OSBPL5: variants seen among roughly 807,000 people sequenced by gnomAD.
The protein encoded by OSBPL5 is oxysterol-binding protein-related protein 5.
In OSBPL5, 71 loss-of-function variants were observed where a neutral mutation model predicts 111.2. The ratio of observed to expected loss-of-function variants is 0.64; its 90% CI spans 0.53 to 0.78. The LOEUF (loss-of-function observed/expected upper bound fraction) is 0.78. Ranked by LOEUF, OSBPL5 falls within the 30% of genes least tolerant of loss-of-function variation. OSBPL5 has a pLI of 0.00. For synonymous variants in OSBPL5, 549 were observed against 513.9 expected (o/e 1.07, Z -0.93); for missense variants, 1,210 against 1,189.3 (o/e 1.02, Z -0.26).
intron 11 of OSBPL5, among the ~76,000 whole-genome samples, chr11:3,102,679 C>G (rs1168154470): frequency 6.6e-6 from 1 of 150,878 alleles, no homozygotes; most frequent in African/African-American, 2.5e-5. Flanking sequence ...ACCTGAGCCT[C>G]AGTTTCCCCA....
chr11:3,152,640 C>A (rs1300761238), intron 1 of OSBPL5, among the ~76,000 whole-genome samples: 3 of 152,190 alleles, frequency 2.0e-5, no homozygotes, highest in Non-Finnish European at 4.4e-5. Context: ...GCACGCAGCG[C>A]CCCTAAGCCT....
chr11:3,114,722 C>T (rs923976273), intron 7 of OSBPL5, among the ~76,000 whole-genome samples: 3 of 151,330 alleles, frequency 2.0e-5, no homozygotes, highest in Non-Finnish European at 4.4e-5. Context: ...CCCCAGCCTC[C>T]TGAGTAGCTG....
chr11:3,162,076 C>G lies in OSBPL5; in HGVS notation c.-22+3140G>C, dbSNP rs559349939. ...GAAAGGGGTCAGGACTTACTGAGAC[C>G]CATGGCAAATCTCAAAGGGCTCTAA... On this transcript the variant is annotated intron_variant, in intron 1 of 21. Transcript: ENST00000263650. The surrounding 1 kb of genome is among the most constrained non-coding windows in gnomAD (Gnocchi z 8.1). 2.6e-5 allele frequency among the ~76,000 whole-genome samples: 4 copies of G among 152,062 alleles called. No homozygotes were observed. Among genetic ancestry groups the G allele is most frequent in the Admixed American group, 2.6e-4 (4 of 15,280 alleles).
At chr11:3,088,500 T>G (rs1590624584) in intron 21 of OSBPL5, among the ~76,000 whole-genome samples, 157 bp from the exon 22 acceptor site, 1 of 150,896 alleles carries the variant, frequency 6.6e-6, no homozygotes, top group Non-Finnish European at 1.5e-5. Context: ...CGGGTGGGGG[T>G]GGAAAGCTTG....
Position 3,129,109 on chromosome 11 carries a change from A to C in OSBPL5, c.40T>G (p.Cys14Gly). The C allele has an allele frequency of 6.5e-7, 1 of 1,530,570 alleles. No individual in the cohort carries two copies. The highest frequency in any genetic ancestry group is 1.2e-5 in the South Asian group (1 of 81,414). The allele number at this position is 1,530,570 out of a possible 1,614,324, so 94.8% of individuals were successfully genotyped here. ...TTCTGAGGGGTGGAGGAAGGTGGAC[A>C]CAGGGAGAAGCGGCGCCGGAGGAAG... Reference protein sequence around the residue: ...EAFLRRRFSLCPPSSTPQKVD... With the variant: ...EAFLRRRFSLGPPSSTPQKVD... Residue 14 changes from cysteine (C) to glycine (G), a missense_variant, in exon 2 of 22, where the codon TGT (cysteine) becomes GGT (glycine). Transcript: ENST00000263650.
chr11:3,102,595 GC>G (rs1208984618), intron 11 of OSBPL5, among the ~76,000 whole-genome samples: 1 of 152,200 alleles, frequency 6.6e-6, no homozygotes, highest in Non-Finnish European at 1.5e-5. Flanking sequence ...CCTGCTGAAA[GC>G]CATGGAAGGC....
intron 20 of OSBPL5, among the ~76,000 whole-genome samples, chr11:3,090,228 G>GGGGA (rs1857010246): frequency 1.3e-5 from 2 of 152,216 alleles, no homozygotes; most frequent in South Asian, 4.1e-4. Flanking sequence ...GGACAAAGTT[G>GGGGA]GGGAGACACA....
chr11:3,111,734 A>G (rs1857944747), intron 7 of OSBPL5, among the ~76,000 whole-genome samples: 1 of 152,028 alleles, frequency 6.6e-6, no homozygotes, highest in African/African-American at 2.4e-5. Flanking sequence ...GCAAAAGGAA[A>G]AAAAAAAGAG....
intron 21 of OSBPL5, 104 bp downstream of exon 21, chr11:3,089,742 C>T: frequency 2.8e-6 from 3 of 1,068,074 alleles, no homozygotes; most frequent in South Asian, 2.8e-5. Context: ...CCGATGACAA[C>T]CCCAGCCGCG....
intron 10 of OSBPL5, among the ~76,000 whole-genome samples, chr11:3,103,806 CTCTTCCTGCCTGCG>C (rs1564830334): frequency 0.019 from 2,156 of 111,774 alleles, 71 homozygotes; most frequent in African/African-American, 0.072. Context: ...CTCTGCAGCC[CTCTTCCTGCCTGCG>C]CAGCCCCCTT....
In OSBPL5 at chr11:3,154,370, A is replaced by C. The variant is rs1426661980; in HGVS notation, c.-22+10846T>G. ...CCCGCCCACTTTGCCGGTGGGACAG[A>C]GTGGCTGACGGCGTGTGGCACAGGC... is the stretch of plus-strand genomic sequence containing the variant. On this transcript the variant is annotated intron_variant, in intron 1 of 21. Coordinates refer to ENST00000263650, the MANE Select transcript of OSBPL5 (RefSeq NM_020896.4). The surrounding 1 kb of genome is among the most constrained non-coding windows in gnomAD (Gnocchi z 4.9). Among the ~76,000 whole-genome samples the C allele has an allele frequency of 6.6e-6, 1 of 152,184 alleles. No individual in the cohort carries two copies. Among genetic ancestry groups the C allele is most frequent in the Non-Finnish European group, 1.5e-5 (1 of 68,026 alleles).
At chr11:3,101,494 G>A (rs1235834990) in intron 13 of OSBPL5, 109 bp downstream of exon 13, 2 of 1,026,920 alleles carry the variant, frequency 1.9e-6, no homozygotes, top group Non-Finnish European at 2.9e-6. Flanking sequence ...GGGGTTGGGA[G>A]GGACAGGCAC....
intron 1 of OSBPL5, among the ~76,000 whole-genome samples, chr11:3,136,055 T>C (rs1845940972): frequency 6.6e-6 from 1 of 152,184 alleles, no homozygotes; most frequent in African/African-American, 2.4e-5. Context: ...CCAGAGCAGA[T>C]GGGGAGGGAC....
At chr11:3,122,239 G>T in intron 4 of OSBPL5, 109 bp downstream of exon 4, 1 of 1,353,144 alleles carries the variant, frequency 7.4e-7, no homozygotes, top group Non-Finnish European at 1.0e-6. Context: ...GAGGCGACCA[G>T]GTGCGGTTTG....
At chr11:3,149,616 T>C (rs748718567) in intron 1 of OSBPL5, among the ~76,000 whole-genome samples, 1 of 152,212 alleles carries the variant, frequency 6.6e-6, no homozygotes. Context: ...CAGGCTCTTT[T>C]GATCTGATTT....
chr11:3,092,055 C>G lies in OSBPL5; in HGVS notation c.2259+377G>C, dbSNP rs1243453725. On this transcript the variant is annotated intron_variant, in intron 19 of 21. Coordinates refer to ENST00000263650, the MANE Select transcript of OSBPL5 (RefSeq NM_020896.4). The surrounding 1 kb of genome is among the most constrained non-coding windows in gnomAD (Gnocchi z 5.4). ...CTGTCCCGCTTCCCCTTTCCAGACA[C>G]AAGATCTGTGCAAGTGCTGGCTCCT... Among the ~76,000 whole-genome samples the G allele has an allele frequency of 6.6e-6, 1 of 152,196 alleles. No homozygotes were observed. Among genetic ancestry groups the G allele is most frequent in the Non-Finnish European group, 1.5e-5 (1 of 68,032 alleles).
At chr11:3,123,957 C>T (rs1858510324) in intron 3 of OSBPL5, among the ~76,000 whole-genome samples, 1 of 152,182 alleles carries the variant, frequency 6.6e-6, no homozygotes, top group African/African-American at 2.4e-5. Flanking sequence ...GCCTTAGGCA[C>T]TGAGGTTAGA....
At chr11:3,091,573 C>T (rs1163031215) in intron 19 of OSBPL5, among the ~76,000 whole-genome samples, 3 of 151,992 alleles carry the variant, frequency 2.0e-5, no homozygotes, top group African/African-American at 7.3e-5. Context: ...AGGAGCGGGA[C>T]TGCGAGGGTC....
chr11:3,112,088 T>TGC (rs1564837840), intron 7 of OSBPL5, among the ~76,000 whole-genome samples: 3 of 114,214 alleles, frequency 2.6e-5, no homozygotes, highest in Admixed American at 2.6e-4. Context: ...TGTGTGTGCA[T>TGC]GTGTGTGTGC....
Sources: gnomAD v4.1 joint callset for allele counts (sites outside exome capture counted in the v4.1 genomes callset) on GRCh38, gnomAD v4.1.1 for gene constraint, Gnocchi (gnomAD v3.1) non-coding constraint, MANE v1.5 for transcripts, NCBI Gene and HGNC (gene_info 2026-07-23, HGNC 2026-07-21) for gene names.